IDE: variants seen among roughly 807,000 people sequenced by gnomAD.
IDE encodes the protein insulin-degrading enzyme.
In IDE, 58 loss-of-function variants were observed where a neutral mutation model predicts 133.2. That is an observed-to-expected ratio of 0.44 (90% CI 0.35 to 0.54). The LOEUF (loss-of-function observed/expected upper bound fraction) is 0.54. IDE is among the 20% of genes least tolerant of loss of function. The pLI, the probability that IDE is intolerant of heterozygous loss-of-function variation, is 0.00. For synonymous variants in IDE, 396 were observed against 421.3 expected (o/e 0.94, Z 0.73); for missense variants, 981 against 1,234.0 (o/e 0.79, Z 3.07).
intron 21 of IDE, among the ~76,000 whole-genome samples, chr10:92,462,314 T>C (rs1845434421): frequency 9.9e-6 from 1 of 101,136 alleles, no homozygotes; most frequent in Non-Finnish European, 1.9e-5. Flanking sequence ...CAAAACTGTC[T>C]CATAAAAAAA....
intron 15 of IDE, 39 bp from the exon 16 acceptor site, chr10:92,476,033 T>C: frequency 2.5e-6 from 2 of 798,820 alleles, no homozygotes; most frequent in East Asian, 5.6e-5. Flanking sequence ...TCTAAAAATA[T>C]CACAAAACAA....
chr10:92,506,350 A>G (rs1848292377), intron 10 of IDE, 92 bp downstream of exon 10: 4 of 590,588 alleles, frequency 6.8e-6, no homozygotes, highest in Non-Finnish European at 1.2e-5. Flanking sequence ...CTCAGCTTCA[A>G]TTGTAATCAT....
At chr10:92,539,739 G>A (rs1842203832) in intron 1 of IDE, among the ~76,000 whole-genome samples, 1 of 151,942 alleles carries the variant, frequency 6.6e-6, no homozygotes, top group African/African-American at 2.4e-5. Flanking sequence ...ACTCCAGCCT[G>A]GCGACAGAGT....
At chr10:92,474,558 T>C (rs1846147547) in intron 17 of IDE, 1 of 212,072 alleles carries the variant, frequency 4.7e-6, no homozygotes, top group South Asian at 1.0e-4. Context: ...ACATATAATG[T>C]ATAGTGATCA....
chr10:92,465,622 A>G (rs1453465201), intron 20 of IDE, 54 bp downstream of exon 20: 1 of 1,476,992 alleles, frequency 6.8e-7, no homozygotes, highest in Non-Finnish European at 9.4e-7. Flanking sequence ...TTTTACAGGG[A>G]AAATAATTCA....
intron 1 of IDE, 126 bp downstream of exon 1, chr10:92,573,796 C>G: frequency 2.9e-6 from 2 of 678,996 alleles, no homozygotes; most frequent in Non-Finnish European, 2.3e-6. Context: ...GGCCCCAGGC[C>G]GGCGGGACGG....
In IDE at chr10:92,531,942, A is replaced by G. The variant is rs766757700; in HGVS notation, c.492-25T>C. ...CCTAAGGGTACGAAACATAATTAAA[A>G]CTTGAAAGATGTCATTTTAAAACAA... On this transcript the variant is annotated intron_variant, in intron 3 of 24. Coordinates refer to ENST00000265986, the MANE Select transcript of IDE (RefSeq NM_004969.4). 1.5e-5 allele frequency: 21 copies of G among 1,445,164 alleles called. No homozygotes were observed. The African/African-American group carries it at 2.7e-4, about 19-fold the overall frequency. The allele number at this position is 1,445,164 out of a possible 1,614,324, so 89.5% of individuals were successfully genotyped here.
chr10:92,481,486 A>T (rs576577641), intron 14 of IDE, among the ~76,000 whole-genome samples: 1 of 152,330 alleles, frequency 6.6e-6, no homozygotes, highest in African/African-American at 2.4e-5. Context: ...GGTGAAGTGG[A>T]GAAGACCCTA....
chr10:92,521,274 C>T (rs1849211226), intron 4 of IDE, among the ~76,000 whole-genome samples: 1 of 151,992 alleles, frequency 6.6e-6, no homozygotes, highest in African/African-American at 2.4e-5. Context: ...AATACATCAC[C>T]ACCTATGAAG....
intron 1 of IDE, among the ~76,000 whole-genome samples, chr10:92,550,507 C>T (rs892305760): frequency 2.7e-5 from 4 of 150,432 alleles, no homozygotes; most frequent in South Asian, 4.2e-4. Context: ...AAAAATTAGC[C>T]GGGTGTGGTG....
intron 21 of IDE, 134 bp from the exon 22 acceptor site, chr10:92,461,386 ACT>A (rs1260631803): frequency 4.5e-6 from 2 of 446,236 alleles, no homozygotes; most frequent in African/African-American, 4.1e-5. Context: ...ACAGAGTTTC[ACT>A]CTGTCACCCA....
intron 22 of IDE, among the ~76,000 whole-genome samples, chr10:92,458,669 T>C (rs1845179249): frequency 6.6e-6 from 1 of 151,848 alleles, no homozygotes; most frequent in African/African-American, 2.4e-5. Context: ...GCCTGGCTAA[T>C]TTTTGTATTT....
chr10:92,463,790 G>C lies in IDE; in HGVS notation c.2702C>G (p.Ser901Cys). 1 of 1,614,146 alleles carries C rather than the reference G, an allele frequency of 6.2e-7. No individual in the cohort carries two copies. The highest frequency in any genetic ancestry group is 8.5e-7 in the Non-Finnish European group (1 of 1,179,972). The change falls in exon 21 of 25, where the codon TCT (serine) becomes TGT (cysteine). Residue 901 changes from serine to cysteine, a missense_variant. By Grantham distance (112) the Ser-to-Cys change is moderately radical (BLOSUM62 -1). Coordinates refer to ENST00000265986, the MANE Select transcript of IDE (RefSeq NM_004969.4). ...IRRLDKPKKL[S>C]AECAKYWGEI... is the part of the protein sequence containing the mutation. ...TCCCCAGTATTTAGCACACTCAGCAGATAGCTTCTTTGGTTTGTCTAGTCG... is the reference window on the plus strand; with the variant it reads ...TCCCCAGTATTTAGCACACTCAGCACATAGCTTCTTTGGTTTGTCTAGTCG...
At chr10:92,460,255 C>T (rs1397744966) in intron 22 of IDE, among the ~76,000 whole-genome samples, 1 of 152,128 alleles carries the variant, frequency 6.6e-6, no homozygotes, top group African/African-American at 2.4e-5. Flanking sequence ...GACCACAATT[C>T]AAAGGTGAGT....
chr10:92,500,862 G>A (rs553976866), intron 11 of IDE, among the ~76,000 whole-genome samples: 1 of 151,790 alleles, frequency 6.6e-6, no homozygotes, highest in Admixed American at 6.6e-5. Context: ...CCAACATGGT[G>A]AAACCCCATC....
At chr10:92,463,672 T>C (rs763967867) in intron 21 of IDE, 59 bp downstream of exon 21, 15 of 1,446,680 alleles carry the variant, frequency 1.0e-5, no homozygotes, top group Non-Finnish European at 1.3e-5. Flanking sequence ...TTTTGTAGAA[T>C]GGCCTTAATC....
chr10:92,513,107 C>T (rs11187040), intron 5 of IDE, among the ~76,000 whole-genome samples: 28,285 of 152,176 alleles, frequency 0.19, 2,915 homozygotes, highest in Middle Eastern at 0.22. Context: ...AATTACTATA[C>T]AACATTATTA....
In IDE at chr10:92,471,862, C is replaced by T. The variant is rs539836886; in HGVS notation, c.2117-1517G>A. Among the ~76,000 whole-genome samples the T allele has an allele frequency of 4.6e-5, 7 of 152,200 alleles. No homozygotes were observed. In the South Asian group the frequency reaches 1.0e-3, roughly 23 times the overall value. The stretch of plus-strand genomic sequence containing the variant: ...TGCAGGCATGCACCACCACGCCTGG[C>T]TAATTTTTGTATTTTTTGTAGAGAT... On this transcript the variant is annotated intron_variant, in intron 17 of 24. Coordinates refer to ENST00000265986, the MANE Select transcript of IDE (RefSeq NM_004969.4).
At chr10:92,552,806 C>T (rs1161505733) in intron 1 of IDE, among the ~76,000 whole-genome samples, 5 of 127,608 alleles carry the variant, frequency 3.9e-5, no homozygotes, top group African/African-American at 1.5e-4. Flanking sequence ...TGCAATGAGC[C>T]GAGATCACAC....
Sources: gnomAD v4.1 joint callset for allele counts (sites outside exome capture counted in the v4.1 genomes callset) on GRCh38, gnomAD v4.1.1 for gene constraint, MANE v1.5 for transcripts, NCBI Gene and HGNC (gene_info 2026-07-23, HGNC 2026-07-21) for gene names.